MAST2: variants seen among roughly 807,000 people sequenced by gnomAD.
MAST2 encodes the protein microtubule associated serine/threonine kinase 2, also known as microtubule-associated serine/threonine-protein kinase 2.
Under a neutral mutation model 147.4 loss-of-function variants are expected in MAST2, and 70 were observed. The observed-to-expected ratio is 0.47, with a 90% confidence interval of 0.39 to 0.58. The LOEUF is 0.58. MAST2 is among the 20% of genes least tolerant of loss of function. The pLI, the probability that MAST2 is intolerant of heterozygous loss-of-function variation, is 0.00. For missense variants in MAST2, 2,080 were observed against 2,302.3 expected, an observed-to-expected ratio of 0.90 and a Z score of 1.98; for synonymous variants, 869 against 896.8, an observed-to-expected ratio of 0.97 and a Z score of 0.55.
chr1:45,884,888 C>G (rs1301959585), intron 4 of MAST2, among the ~76,000 whole-genome samples: 3 of 152,134 alleles, frequency 2.0e-5, no homozygotes, highest in Non-Finnish European at 4.4e-5. Flanking sequence ...GCTACCTGAT[C>G]TCTATGCTTA....
At chr1:45,971,304 G>A (rs1446343811) in intron 5 of MAST2, among the ~76,000 whole-genome samples, 1 of 152,224 alleles carries the variant, frequency 6.6e-6, no homozygotes, top group African/African-American at 2.4e-5. Context: ...GTCTCAGCCA[G>A]TGGTCAGGCC....
At chr1:45,947,672 A>G (rs916807481) in intron 4 of MAST2, among the ~76,000 whole-genome samples, 2 of 152,232 alleles carry the variant, frequency 1.3e-5, no homozygotes, top group Non-Finnish European at 2.9e-5. Context: ...TTGTTTGCAG[A>G]TGACATGATT....
At position 46,034,549 on chromosome 1, in the gene MAST2, T is replaced by A; in HGVS notation, c.3880T>A (p.Ser1294Thr). Residue 1294 changes from serine (S) to threonine (T), a missense_variant, in exon 29 of 29, where the codon TCA (serine) becomes ACA (threonine). By Grantham distance (58) the Ser-to-Thr change is moderately conservative. Coordinates refer to ENST00000361297, the MANE Select transcript of MAST2 (RefSeq NM_015112.3). ...GTCTCTGTACAAAGTGGGAGGGAAT[T>A]CATCACAGAGCAGCTCCCCCAGCTC... ...PDAVHSVGGNSSQSSSPSSSV... is the reference protein window; with the variant it reads ...PDAVHSVGGNTSQSSSPSSSV... The A allele has an allele frequency of 6.2e-7, 1 of 1,613,028 alleles. No homozygotes were observed. The highest frequency in any genetic ancestry group is 8.5e-7 in the Non-Finnish European group (1 of 1,179,546).
intron 3 of MAST2, among the ~76,000 whole-genome samples, chr1:45,860,233 A>C (rs1337679259): frequency 7.7e-6 from 1 of 130,556 alleles, no homozygotes; most frequent in Non-Finnish European, 1.6e-5. Context: ...CACACACACA[A>C]ATTAGCCAGG....
intron 3 of MAST2, among the ~76,000 whole-genome samples, chr1:45,836,008 G>T (rs1476289733): frequency 6.6e-6 from 1 of 152,130 alleles, no homozygotes; most frequent in Non-Finnish European, 1.5e-5. Context: ...TTTGTCTGCT[G>T]ATAGACATTT....
chr1:45,856,980 C>T (rs950540628), intron 3 of MAST2, among the ~76,000 whole-genome samples: 2 of 152,088 alleles, frequency 1.3e-5, no homozygotes, highest in East Asian at 3.8e-4. Context: ...GCTTTTTCAT[C>T]AATATGTTCA....
intron 1 of MAST2, among the ~76,000 whole-genome samples, chr1:45,812,925 C>A (rs1644345927): frequency 6.6e-6 from 1 of 152,096 alleles, no homozygotes; most frequent in Non-Finnish European, 1.5e-5. Context: ...CTTAACCTTA[C>A]CTGTATTCCA....
Position 46,028,779 on chromosome 1 carries a change from C to G in MAST2, c.2064C>G (p.Thr688=). The change falls in exon 18 of 29, where the codon ACC becomes ACG. Residue 688 remains threonine (T), a synonymous_variant. Transcript: ENST00000361297. Reference sequence around the variant, plus strand: ...TTTTCTGTGCCCAGGTATGCGGGACCCCAGAATACATTGCGCCTGAGGTGA... The same window carrying G: ...TTTTCTGTGCCCAGGTATGCGGGACGCCAGAATACATTGCGCCTGAGGTGA... ...REFLDKQVCG[T]PEYIAPEVIL... is the part of the protein sequence containing the mutation. The G allele has an allele frequency of 6.2e-7, 1 of 1,614,096 alleles. No homozygotes were observed. The highest frequency in any genetic ancestry group is 1.1e-5 in the South Asian group (1 of 91,074).
chr1:45,817,940 T>C (rs1644506294), intron 1 of MAST2, among the ~76,000 whole-genome samples: 2 of 152,230 alleles, frequency 1.3e-5, no homozygotes, highest in African/African-American at 4.8e-5. Flanking sequence ...TAAAAATCCA[T>C]GCTTTGGGAT....
intron 3 of MAST2, among the ~76,000 whole-genome samples, chr1:45,831,436 A>C (rs1292677202): frequency 6.6e-6 from 1 of 152,122 alleles, no homozygotes; most frequent in Non-Finnish European, 1.5e-5. Context: ...GGATCAAAGG[A>C]TATCCTGATA....
intron 5 of MAST2, among the ~76,000 whole-genome samples, chr1:45,987,763 T>TG (rs1402711734): frequency 1.0e-4 from 3 of 29,958 alleles, no homozygotes; most frequent in African/African-American, 4.4e-4. Context: ...GCATTTCTTG[T>TG]TTTTTTTTTT....
intron 5 of MAST2, among the ~76,000 whole-genome samples, chr1:45,976,844 C>G (rs1200027563): frequency 6.6e-6 from 1 of 152,060 alleles, no homozygotes; most frequent in African/African-American, 2.4e-5. Flanking sequence ...GTGATTAATG[C>G]CATGTGTTGA....
intron 4 of MAST2, among the ~76,000 whole-genome samples, chr1:45,921,854 TG>T (rs1239816782): frequency 6.6e-6 from 1 of 152,210 alleles, no homozygotes; most frequent in Non-Finnish European, 1.5e-5. Context: ...CAGCTCTGTT[TG>T]TATTACAGCT....
intron 3 of MAST2, among the ~76,000 whole-genome samples, chr1:45,874,546 A>T (rs1646521809): frequency 6.6e-6 from 1 of 152,204 alleles, no homozygotes; most frequent in African/African-American, 2.4e-5. Flanking sequence ...GATAGTTTTC[A>T]TCAATGCAAC....
chr1:45,983,078 GT>G (rs1244148121), intron 5 of MAST2, among the ~76,000 whole-genome samples: 1 of 152,068 alleles, frequency 6.6e-6, no homozygotes, highest in African/African-American at 2.4e-5. Context: ...ATAGTGGTCT[GT>G]TTTTTGCTAT....
In MAST2 at chr1:46,022,087, G is replaced by A. The variant is rs1310829380; in HGVS notation, c.1423+5G>A. On this transcript the variant is annotated splice_donor_5th_base_variant and intron_variant, in intron 12 of 28. Transcript: ENST00000361297. ...TCACCCGGGATCCCCTAGAAGGTGA[G>A]CATGCTGCCTAGTGGCTGCAAAGAG... 8 of 1,613,984 alleles carry A rather than the reference G, an allele frequency of 5.0e-6. No individual in the cohort carries two copies. In the East Asian group the frequency reaches 8.9e-5, roughly 18 times the overall value.
chr1:45,907,297 C>T lies in MAST2; in HGVS notation c.500+24902C>T, dbSNP rs144541409. Among the ~76,000 whole-genome samples the T allele has an allele frequency of 3.2e-4, 48 of 152,090 alleles. 1 individual carries two copies. The East Asian group carries it at 6.0e-3, about 19-fold the overall frequency. Reference sequence around the variant, plus strand: ...ATAGTTAGTACTCACTCATTCTGTCCAAGAAATCTGTGCCCATCCCAAGAT... The same window carrying T: ...ATAGTTAGTACTCACTCATTCTGTCTAAGAAATCTGTGCCCATCCCAAGAT... On this transcript the variant is annotated intron_variant, in intron 4 of 28. Transcript: ENST00000361297.
chr1:45,938,891 A>G (rs1448358638), intron 4 of MAST2, among the ~76,000 whole-genome samples: 1 of 152,082 alleles, frequency 6.6e-6, no homozygotes, highest in East Asian at 1.9e-4. Flanking sequence ...TGTTCATTTA[A>G]AAAATCTGTT....
chr1:45,917,517 C>A, intron 4 of MAST2: 1 of 1,366,524 alleles, frequency 7.3e-7, no homozygotes, highest in Non-Finnish European at 9.8e-7. Flanking sequence ...TTGTTCCAGC[C>A]GCCCACTGCC....
Sources: allele counts gnomAD v4.1 joint callset (sites outside exome capture counted in the v4.1 genomes callset), GRCh38; gene constraint gnomAD v4.1.1; transcripts MANE v1.5; gene names NCBI Gene and HGNC (gene_info 2026-07-23, HGNC 2026-07-21).